Variants in RCHY1 observed in about 807,000 individuals in gnomAD.
RCHY1 encodes RING finger and CHY zinc finger domain-containing protein 1.
RCHY1 carries 21 observed loss-of-function variants against 41.6 expected under a neutral mutation model. That is an observed-to-expected ratio of 0.51 (90% confidence interval 0.36 to 0.73). The LOEUF is 0.73. Ranked by LOEUF, RCHY1 falls within the 30% of genes least tolerant of loss-of-function variation. The pLI is 0.00. For synonymous variants in RCHY1, 79 were observed against 102.9 expected (o/e 0.77, Z 1.41); for missense variants, 265 against 325.3 (o/e 0.81, Z 1.43).
chr4:75,513,291 TACTC>T (rs1725138001), intron 1 of RCHY1, among the ~76,000 whole-genome samples: 1 of 152,158 alleles, frequency 6.6e-6, no homozygotes, highest in South Asian at 2.1e-4. Flanking sequence ...AAAATAATAA[TACTC>T]AGATTGACGA....
intron 3 of RCHY1, among the ~76,000 whole-genome samples, chr4:75,495,866 G>T (rs1417150185): frequency 1.3e-5 from 2 of 151,924 alleles, no homozygotes; most frequent in Non-Finnish European, 2.9e-5. Flanking sequence ...TGTCACTTTT[G>T]CCATAAATTC....
chr4:75,494,063 T>G (rs1722970207), intron 4 of RCHY1, 38 bp downstream of exon 4: 1 of 1,177,402 alleles, frequency 8.5e-7, no homozygotes, highest in Non-Finnish European at 1.2e-6. Flanking sequence ...GCAAAAACAC[T>G]GTAATATTTT....
At chr4:75,513,451 T>G (rs1408558777) in intron 1 of RCHY1, among the ~76,000 whole-genome samples, 1 of 152,030 alleles carries the variant, frequency 6.6e-6, no homozygotes, top group East Asian at 1.9e-4. Context: ...ACATACGGGG[T>G]AGAGAGGAGC....
chr4:75,483,625 T>G (rs1486617347), intron 8 of RCHY1, among the ~76,000 whole-genome samples: 1 of 152,186 alleles, frequency 6.6e-6, no homozygotes, highest in Non-Finnish European at 1.5e-5. Flanking sequence ...TTTCCAAAAA[T>G]TATCTACATG....
At chr4:75,488,440 T>C (rs1320870436) in intron 8 of RCHY1, among the ~76,000 whole-genome samples, 1 of 152,176 alleles carries the variant, frequency 6.6e-6, no homozygotes, top group East Asian at 1.9e-4. Context: ...TATAGACTTC[T>C]GACAACTTTA....
intron 8 of RCHY1, among the ~76,000 whole-genome samples, chr4:75,483,214 G>A (rs1051228455): frequency 3.9e-5 from 6 of 152,068 alleles, no homozygotes; most frequent in Non-Finnish European, 7.4e-5. Context: ...ATAAGATGCC[G>A]TTTAAGAATT....
chr4:75,499,531 A>G (rs1000833502), intron 3 of RCHY1, among the ~76,000 whole-genome samples: 2 of 152,240 alleles, frequency 1.3e-5, no homozygotes, highest in African/African-American at 4.8e-5. Flanking sequence ...AGTGTCCATC[A>G]GTGGATGAAT....
chr4:75,494,372 C>G, intron 3 of RCHY1, 193 bp from the exon 4 acceptor site: 1 of 466,846 alleles, frequency 2.1e-6, no homozygotes, highest in South Asian at 3.9e-5. Context: ...ATCTACCCTT[C>G]TAGGGCTTTT....
chr4:75,491,699 CATT>C (rs1722767169), intron 6 of RCHY1, 22 bp downstream of exon 6: 3 of 1,607,898 alleles, frequency 1.9e-6, no homozygotes, highest in Non-Finnish European at 2.6e-6. Context: ...TTTCAAACAT[CATT>C]GAGAAAAAGA....
rs746617830 is a variant in RCHY1 at position 75,490,712 on chromosome 4, T to C, written c.537-11A>G. On this transcript the variant is annotated splice_polypyrimidine_tract_variant and intron_variant, in intron 7 of 8. Transcript: ENST00000324439. Reference sequence around the variant, plus strand: ...GGACATCTGTAGCCTCTGAAAGAGATAGAAAGGTTATTTTCCAAATATTAA... The same window carrying C: ...GGACATCTGTAGCCTCTGAAAGAGACAGAAAGGTTATTTTCCAAATATTAA... The C allele has an allele frequency of 1.2e-5, 19 of 1,589,514 alleles. No homozygotes were observed. The highest frequency in any genetic ancestry group is 2.7e-5 in the African/African-American group (2 of 73,662).
chr4:75,509,304 C>T lies in RCHY1; in HGVS notation c.91-8G>A. On this transcript the variant is annotated splice_polypyrimidine_tract_variant and splice_region_variant and intron_variant, in intron 1 of 8. Transcript: ENST00000324439. Reference sequence around the variant, plus strand: ...CTTGTCACAGCAAGGTGCCTAACACCCACGGAGAAAAAAGAGATATAGTAA... The same window carrying T: ...CTTGTCACAGCAAGGTGCCTAACACTCACGGAGAAAAAAGAGATATAGTAA... 1.2e-6 allele frequency: 2 copies of T among 1,603,766 alleles called. No homozygotes were observed. The highest frequency in any genetic ancestry group is 1.7e-6 in the Non-Finnish European group (2 of 1,176,526).
intron 8 of RCHY1, among the ~76,000 whole-genome samples, chr4:75,483,381 A>C (rs535195291): frequency 6.6e-6 from 1 of 152,332 alleles, no homozygotes; most frequent in South Asian, 2.1e-4. Context: ...TTTGGAAAAT[A>C]ATTATTTAAA....
chr4:75,511,811 GAA>G (rs750470842), intron 1 of RCHY1, among the ~76,000 whole-genome samples: 2 of 128,590 alleles, frequency 1.6e-5, no homozygotes, highest in African/African-American at 2.9e-5. Flanking sequence ...TCAACAGACT[GAA>G]AAAAAAAAAA....
At chr4:75,510,627 T>C (rs1245424064) in intron 1 of RCHY1, among the ~76,000 whole-genome samples, 1 of 152,214 alleles carries the variant, frequency 6.6e-6, no homozygotes, top group Admixed American at 6.5e-5. Flanking sequence ...CGCAGAACAG[T>C]AGTTCTCAAA....
chr4:75,499,040 A>T (rs1299094770), intron 3 of RCHY1, among the ~76,000 whole-genome samples: 4 of 152,184 alleles, frequency 2.6e-5, no homozygotes, highest in African/African-American at 7.2e-5. Flanking sequence ...TCCACCTGAC[A>T]AGGAATTAAT....
upstream of RCHY1, chr4:75,514,486 G>A: frequency 1.8e-6 from 1 of 547,314 alleles, no homozygotes; most frequent in Non-Finnish European, 3.2e-6. Flanking sequence ...CGCAGTCTCC[G>A]TCGTTGACGT....
chr4:75,492,645 A>ATT (rs1379259560), intron 4 of RCHY1, among the ~76,000 whole-genome samples: 1 of 151,976 alleles, frequency 6.6e-6, no homozygotes, highest in Non-Finnish European at 1.5e-5. Context: ...AGCACTTAAT[A>ATT]GATGGCAGGA....
Position 75,509,361 on chromosome 4 carries a change from A to G in RCHY1, c.91-65T>C, listed in dbSNP as rs2306176. ...AAAGAAACTAAGTGTGCAATACAAA[A>G]AGAAAATTTCTTCCTCCTCCTCCTG... On this transcript the variant is annotated intron_variant, in intron 1 of 8. Coordinates refer to ENST00000324439, the MANE Select transcript of RCHY1 (RefSeq NM_015436.4). 3.1e-4 allele frequency: 480 copies of G among 1,525,656 alleles called. 4 individuals are homozygous for G. In the East Asian group the frequency reaches 0.011, roughly 35 times the overall value. The allele number at this position is 1,525,656 out of a possible 1,614,324, so 94.5% of individuals were successfully genotyped here.
chr4:75,502,934 T>G (rs1397593699), intron 3 of RCHY1, among the ~76,000 whole-genome samples: 1 of 151,780 alleles, frequency 6.6e-6, no homozygotes, highest in Non-Finnish European at 1.5e-5. Flanking sequence ...TAGTTTTCCT[T>G]GAACACAGTT....
Sources: gnomAD v4.1 joint callset for allele counts (sites outside exome capture counted in the v4.1 genomes callset) on GRCh38, gnomAD v4.1.1 for gene constraint, MANE v1.5 for transcripts, NCBI Gene and HGNC (gene_info 2026-07-23, HGNC 2026-07-21) for gene names.